The following TAB1 variants were observed in gnomAD, a reference collection of about 807,000 sequenced individuals.
The protein encoded by TAB1 is TGF-beta-activated kinase 1 and MAP3K7-binding protein 1.
Under a neutral mutation model 54.5 loss-of-function variants are expected in TAB1, and 30 were observed. That is an observed-to-expected ratio of 0.55 (90% CI 0.41 to 0.75). The LOEUF is 0.75. Ranked by LOEUF, TAB1 falls within the 30% of genes least tolerant of loss-of-function variation. The pLI, the probability that TAB1 is intolerant of heterozygous loss-of-function variation, is 0.00. For missense variants in TAB1, 609 were observed against 683.2 expected, an observed-to-expected ratio of 0.89 and a Z score of 1.21; for synonymous variants, 289 against 286.9, an observed-to-expected ratio of 1.01 and a Z score of -0.07.
chr22:39,421,198 G>A (rs928350555), intron 7 of TAB1, among the ~76,000 whole-genome samples: 1 of 152,050 alleles, frequency 6.6e-6, no homozygotes, highest in Non-Finnish European at 1.5e-5. Context: ...CATTAAAGGT[G>A]CTCATCTCTT....
rs1207361842 is a variant in TAB1 at position 39,426,843 on chromosome 22, G to C, written c.1062G>C (p.Arg354=). The part of the protein sequence containing the change: ...SGGERARFCP[R]HEDMTLLVRN... ...GGGAGCGTGCCAGGTTCTGCCCCCGGCACGAGGACATGACCCTGCTAGTGA... is the reference window on the plus strand; with the variant it reads ...GGGAGCGTGCCAGGTTCTGCCCCCGCCACGAGGACATGACCCTGCTAGTGA... Residue 354 remains arginine (R), a synonymous_variant, in exon 9 of 11, where the codon CGG becomes CGC. Coordinates refer to ENST00000216160, the MANE Select transcript of TAB1 (RefSeq NM_006116.3). The C allele has an allele frequency of 1.9e-6, 3 of 1,613,538 alleles. No individual in the cohort carries two copies. The East Asian group carries it at 6.7e-5, about 36-fold the overall frequency.
intron 1 of TAB1, among the ~76,000 whole-genome samples, chr22:39,411,864 A>G (rs1033360583): frequency 1.3e-5 from 2 of 152,222 alleles, no homozygotes; most frequent in Non-Finnish European, 2.9e-5. Flanking sequence ...AAACTTTACT[A>G]CATCCGAACA....
intron 1 of TAB1, among the ~76,000 whole-genome samples, chr22:39,403,934 G>A (rs982684636): frequency 2.0e-5 from 3 of 152,122 alleles, no homozygotes; most frequent in East Asian, 1.9e-4. Flanking sequence ...GTGAGCCACC[G>A]TGCCCGGCCG....
At chr22:39,400,982 C>T (rs912222289) in intron 1 of TAB1, among the ~76,000 whole-genome samples, 3 of 130,874 alleles carry the variant, frequency 2.3e-5, no homozygotes, top group African/African-American at 8.8e-5. Context: ...TGCAGCGAGC[C>T]AAGATCGGGC....
chr22:39,415,055 G>A lies in TAB1; in HGVS notation c.83G>A (p.Gly28Glu). 6.2e-7 allele frequency: 1 copy of A among 1,614,024 alleles called. No homozygotes were observed. Among genetic ancestry groups the A allele is most frequent in the Non-Finnish European group, 8.5e-7 (1 of 1,179,936 alleles). The change falls in exon 2 of 11, where the codon GGG becomes GAG. Residue 28 changes from glycine (G) to glutamate (E), a missense_variant. Gly to Glu is a moderately conservative substitution (Grantham distance 98, BLOSUM62 -2). Coordinates refer to ENST00000216160, the MANE Select transcript of TAB1 (RefSeq NM_006116.3). This position sits in a 1 kb window ranked among gnomAD's most constrained non-coding sequence, Gnocchi z 4.9. ...TDDLPLCHLSGVGSASNRSYS... is the reference protein window; with the variant it reads ...TDDLPLCHLSEVGSASNRSYS... Reference sequence around the variant, plus strand: ...GACCTGCCTCTCTGCCACCTCTCTGGGGTTGGCTCAGCCTCCAACCGCAGC... The same window carrying A: ...GACCTGCCTCTCTGCCACCTCTCTGAGGTTGGCTCAGCCTCCAACCGCAGC...
chr22:39,411,118 T>A (rs1005054450), intron 1 of TAB1, among the ~76,000 whole-genome samples: 4 of 151,486 alleles, frequency 2.6e-5, no homozygotes, highest in African/African-American at 4.8e-5. Context: ...AAAAAAAAAA[T>A]GGACCTAAAC....
chr22:39,436,093 A>G (rs1020833170), downstream of TAB1, among the ~76,000 whole-genome samples: 11 of 152,208 alleles, frequency 7.2e-5, no homozygotes, highest in Non-Finnish European at 1.2e-4. Flanking sequence ...GGAGTTTGAG[A>G]CCAGCCTGGC....
chr22:39,418,105 C>T (rs1018126303), intron 5 of TAB1, among the ~76,000 whole-genome samples: 1 of 152,200 alleles, frequency 6.6e-6, no homozygotes, highest in African/African-American at 2.4e-5. Context: ...AGTCGTATCC[C>T]ATTCTGGGTG....
chr22:39,404,928 G>A (rs1418829991), intron 1 of TAB1, among the ~76,000 whole-genome samples: 3 of 152,238 alleles, frequency 2.0e-5, no homozygotes, highest in Non-Finnish European at 4.4e-5. Context: ...GTTGGAGGTG[G>A]TGGGGGCATT....
rs184300073 is a variant in TAB1, at chr22:39,407,564, C to T, written c.34-7442C>T. On this transcript the variant is annotated intron_variant, in intron 1 of 10. Transcript: ENST00000216160. ...AGTGGCGTGATCTCGGCTCACTGCACGCTCTGCCTCCCGGGTTCCAGCGAT... is the reference window on the plus strand; with the variant it reads ...AGTGGCGTGATCTCGGCTCACTGCATGCTCTGCCTCCCGGGTTCCAGCGAT... Among the ~76,000 whole-genome samples, 192 of 151,668 alleles carry T rather than the reference C, an allele frequency of 1.3e-3. 1 individual carries two copies. The highest frequency in any genetic ancestry group is 4.5e-3 in the African/African-American group (187 of 41,354).
intron 8 of TAB1, among the ~76,000 whole-genome samples, chr22:39,422,501 C>T (rs1170618391): frequency 2.0e-5 from 3 of 150,846 alleles, no homozygotes; most frequent in East Asian, 1.9e-4. Flanking sequence ...CTCCGCCTCC[C>T]GGGTTCAAGC....
intron 1 of TAB1, among the ~76,000 whole-genome samples, chr22:39,404,520 A>T (rs1926279864): frequency 6.6e-6 from 1 of 151,686 alleles, no homozygotes. Flanking sequence ...TGAGGCTATG[A>T]TCCCCTCACT....
downstream of TAB1, among the ~76,000 whole-genome samples, chr22:39,434,514 A>G (rs898326131): frequency 6.6e-6 from 1 of 152,236 alleles, no homozygotes; most frequent in African/African-American, 2.4e-5. Flanking sequence ...ATTTCTGCCA[A>G]TCCCGATGAG....
At chr22:39,407,593 C>G (rs1264933295) in intron 1 of TAB1, among the ~76,000 whole-genome samples, 1 of 152,022 alleles carries the variant, frequency 6.6e-6, no homozygotes, top group African/African-American at 2.4e-5. Context: ...CAGCGATTCT[C>G]CTTCCTCAGC....
chr22:39,432,831 AC>A (rs1313473705), downstream of TAB1: 2 of 985,142 alleles, frequency 2.0e-6, no homozygotes, highest in African/African-American at 3.5e-5. Flanking sequence ...GGTGTTACTT[AC>A]TGCACTTGAG....
chr22:39,399,788 A>C lies in TAB1; in HGVS notation c.-15A>C. ...TCTGCGGGGAGGCGGGCGCTCCCGCAGGGGTTCCTCCAAGATGGCGGCGCA... is the reference window on the plus strand; with the variant it reads ...TCTGCGGGGAGGCGGGCGCTCCCGCCGGGGTTCCTCCAAGATGGCGGCGCA... On this transcript the variant is annotated 5_prime_UTR_variant, in exon 1 of 11. Transcript: ENST00000216160. 1 of 1,586,190 alleles carries C rather than the reference A, an allele frequency of 6.3e-7. No homozygotes were observed. The highest frequency in any genetic ancestry group is 8.6e-7 in the Non-Finnish European group (1 of 1,166,774).
chr22:39,399,937 C>G, intron 1 of TAB1, 102 bp downstream of exon 1: 2 of 1,288,604 alleles, frequency 1.6e-6, no homozygotes, highest in Non-Finnish European at 2.2e-6. Context: ...CAGCCACCCT[C>G]TCCGTGGTGG....
downstream of TAB1, chr22:39,433,759 A>T (rs1337602655): frequency 1.0e-6 from 1 of 985,320 alleles, no homozygotes; most frequent in Non-Finnish European, 1.2e-6. Flanking sequence ...GAGCGACTCC[A>T]GGCTGCTCAG....
intron 9 of TAB1, among the ~76,000 whole-genome samples, chr22:39,427,360 G>C (rs1185755922): frequency 1.3e-5 from 2 of 152,240 alleles, no homozygotes; most frequent in African/African-American, 4.8e-5. Context: ...GAAGAGATTA[G>C]GCATGTGGAC....
Sources: gnomAD v4.1 joint callset for allele counts (sites outside exome capture counted in the v4.1 genomes callset) on GRCh38, gnomAD v4.1.1 for gene constraint, Gnocchi (gnomAD v3.1) non-coding constraint, MANE v1.5 for transcripts, NCBI Gene and HGNC (gene_info 2026-07-23, HGNC 2026-07-21) for gene names.